Variants in NCK2 observed in about 807,000 individuals in gnomAD.
The protein encoded by NCK2 is cytoplasmic protein NCK2.
NCK2 carries 16 observed loss-of-function variants against 33.9 expected under a neutral mutation model. The ratio of observed to expected loss-of-function variants is 0.47; its 90% confidence interval spans 0.32 to 0.72. The LOEUF is 0.72. Among genes scored for constraint, NCK2 ranks in the 30% least tolerant of loss-of-function variants. The pLI is 0.03. For missense variants in NCK2, 418 were observed against 537.3 expected, an observed-to-expected ratio of 0.78 and a Z score of 2.19; for synonymous variants, 273 against 239.9, an observed-to-expected ratio of 1.14 and a Z score of -1.27.
At chr2:105,885,730 G>C (rs1320079076) in intron 4 of NCK2, among the ~76,000 whole-genome samples, 2 of 152,058 alleles carry the variant, frequency 1.3e-5, no homozygotes, top group Admixed American at 6.5e-5. Context: ...TGCATTCTTA[G>C]TGGTTTTATA....
chr2:105,801,896 C>G (rs556880650), intron 1 of NCK2, among the ~76,000 whole-genome samples: 1 of 152,288 alleles, frequency 6.6e-6, no homozygotes, highest in East Asian at 1.9e-4. Flanking sequence ...GCTGGCATTG[C>G]ATTCCAAAGC....
At chr2:105,849,887 G>A (rs558968191) in intron 2 of NCK2, among the ~76,000 whole-genome samples, 2 of 152,276 alleles carry the variant, frequency 1.3e-5, no homozygotes, top group South Asian at 4.2e-4. Context: ...CCATTCTTAA[G>A]TCTCTCTTAA....
intron 1 of NCK2, among the ~76,000 whole-genome samples, chr2:105,775,219 G>A (rs1270429550): frequency 6.6e-6 from 1 of 152,118 alleles, no homozygotes; most frequent in African/African-American, 2.4e-5. Flanking sequence ...GTGGCATGTG[G>A]GTGCCTAATC....
At chr2:105,881,262 G>T in intron 3 of NCK2, 66 bp from the exon 4 acceptor site, 1 of 1,510,312 alleles carries the variant, frequency 6.6e-7, no homozygotes. Flanking sequence ...TGGAAATCCC[G>T]GTAGGCTAGG....
At chr2:105,835,413 A>ATATATATATATATGTGTG (rs1676386848) in intron 2 of NCK2, among the ~76,000 whole-genome samples, 1 of 81,014 alleles carries the variant, frequency 1.2e-5, no homozygotes, top group Non-Finnish European at 3.0e-5. Context: ...ATACGTGTAT[A>ATATATATATATATGTGTG]TATATATATA....
At chr2:105,804,516 G>A (rs1295430778) in intron 1 of NCK2, among the ~76,000 whole-genome samples, 1 of 152,186 alleles carries the variant, frequency 6.6e-6, no homozygotes, top group Non-Finnish European at 1.5e-5. Flanking sequence ...GCTCTTTGGG[G>A]ATATTCAGAC....
At chr2:105,814,309 C>T (rs2104477680) in intron 1 of NCK2, among the ~76,000 whole-genome samples, 1 of 152,354 alleles carries the variant, frequency 6.6e-6, no homozygotes, top group Non-Finnish European at 1.5e-5. Context: ...TCAAGGAAAA[C>T]ATCGCATGCA....
chr2:105,890,863 G>A (rs939706258), intron 4 of NCK2, among the ~76,000 whole-genome samples: 21 of 152,322 alleles, frequency 1.4e-4, no homozygotes, highest in African/African-American at 5.1e-4. Context: ...AATAGACAAT[G>A]GCCTAGTCCT....
At chr2:105,759,722 G>A (rs138879032) in intron 1 of NCK2, among the ~76,000 whole-genome samples, 149 of 152,258 alleles carry the variant, frequency 9.8e-4, no homozygotes, top group African/African-American at 3.2e-3. Flanking sequence ...TCCAGGGCAC[G>A]TTTCCTTTAG....
intron 1 of NCK2, among the ~76,000 whole-genome samples, chr2:105,763,261 G>A (rs1488561867): frequency 6.6e-6 from 1 of 152,164 alleles, no homozygotes; most frequent in Non-Finnish European, 1.5e-5. Flanking sequence ...TCTGCCAAGG[G>A]GAGAGCGGGA....
At position 105,893,255 on chromosome 2, in the gene NCK2, G is replaced by A. The variant is rs1679072019; in HGVS notation, c.*79G>A. The A allele has an allele frequency of 2.2e-6, 3 of 1,369,764 alleles. No individual in the cohort carries two copies. The highest frequency in any genetic ancestry group is 2.7e-5 in the South Asian group (2 of 73,054). 84.9% of individuals were successfully genotyped at this position (1,369,764 alleles called of 1,614,324 possible). ...CGGCCTTGTGGCAGAGGCTCCTCCC[G>A]CGGGGACGGCCCCGACGGCTTCTCT... On this transcript the variant is annotated 3_prime_UTR_variant, in exon 5 of 5. Transcript: ENST00000233154.
At chr2:105,744,608 T>G (rs1408540615), upstream of NCK2, among the ~76,000 whole-genome samples, 1 of 151,908 alleles carries the variant, frequency 6.6e-6, no homozygotes, top group African/African-American at 2.4e-5. Flanking sequence ...TGGGGACCCT[T>G]TCCTGCCCCC....
At chr2:105,878,242 C>CA (rs1449327151) in intron 3 of NCK2, among the ~76,000 whole-genome samples, 2 of 152,186 alleles carry the variant, frequency 1.3e-5, no homozygotes, top group African/African-American at 4.8e-5. Context: ...TTTATAGCAT[C>CA]AGCTGAACGC....
At chr2:105,812,788 G>GCTC (rs540700945) in intron 1 of NCK2, among the ~76,000 whole-genome samples, 1 of 40,626 alleles carries the variant, frequency 2.5e-5, no homozygotes, top group Admixed American at 3.0e-4. Flanking sequence ...GCTCATTACT[G>GCTC]AAGCCAGGTG....
rs1679080513 is a variant in NCK2, at chr2:105,893,418, T to C, written c.*242T>C. The C allele has an allele frequency of 6.6e-6, 3 of 455,066 alleles. No individual in the cohort carries two copies. The highest frequency in any genetic ancestry group is 1.2e-5 in the Non-Finnish European group (3 of 249,732). 28.2% of individuals were successfully genotyped at this position (455,066 alleles called of 1,614,324 possible). ...AGCAGGGCGAGTTCACATTATTCCT[T>C]TTCCATCGGAAGTGGCGCTCGTGCA... is the stretch of plus-strand genomic sequence containing the variant. On this transcript the variant is annotated 3_prime_UTR_variant, in exon 5 of 5. Coordinates refer to ENST00000233154, the MANE Select transcript of NCK2 (RefSeq NM_003581.5).
chr2:105,830,300 C>A (rs867835821), intron 2 of NCK2, among the ~76,000 whole-genome samples: 1 of 152,162 alleles, frequency 6.6e-6, no homozygotes, highest in Non-Finnish European at 1.5e-5. Flanking sequence ...GTAGCTCCCA[C>A]GTGAGTGAGA....
chr2:105,829,878 C>G (rs1402479647), intron 2 of NCK2, among the ~76,000 whole-genome samples: 4 of 152,030 alleles, frequency 2.6e-5, no homozygotes, highest in Non-Finnish European at 5.9e-5. Context: ...ATTCTTCCAA[C>G]AAGATTTGTC....
chr2:105,820,966 C>T (rs1215016707), intron 2 of NCK2, among the ~76,000 whole-genome samples: 1 of 152,192 alleles, frequency 6.6e-6, no homozygotes, highest in African/African-American at 2.4e-5. Context: ...AGCCTACACA[C>T]ATCTTTTCCA....
chr2:105,881,791 C>T lies in NCK2; in HGVS notation c.690C>T (p.Asn230=), dbSNP rs137975619. 6.4e-5 allele frequency: 104 copies of T among 1,613,520 alleles called. 1 individual carries two copies. Among genetic ancestry groups the T allele is most frequent in the East Asian group, 5.3e-4 (24 of 44,884 alleles). ...ETMEVIEKPE[N]DPEWWKCKNA... ...TGGAGGTGATTGAGAAGCCGGAGAA[C>T]GACCCCGAGTGGTGGAAATGCAAAA... Residue 230 remains asparagine, a synonymous_variant, in exon 4 of 5, where the codon AAC becomes AAT. Coordinates refer to ENST00000233154, the MANE Select transcript of NCK2 (RefSeq NM_003581.5).
Sources: gnomAD v4.1 joint callset for allele counts (sites outside exome capture counted in the v4.1 genomes callset) on GRCh38, gnomAD v4.1.1 for gene constraint, MANE v1.5 for transcripts, NCBI Gene and HGNC (gene_info 2026-07-23, HGNC 2026-07-21) for gene names.